TMEM91: variants seen among roughly 807,000 people sequenced by gnomAD.
TMEM91 encodes dispanin subfamily C member 3.
TMEM91 carries 6 observed loss-of-function variants against 13.3 expected under a neutral mutation model. That is an observed-to-expected ratio of 0.45 (90% CI 0.25 to 0.89). The LOEUF (loss-of-function observed/expected upper bound fraction) is 0.89. Among genes scored for constraint, TMEM91 ranks in the 40% least tolerant of loss-of-function variants. The pLI is 0.19. For synonymous variants in TMEM91, 87 were observed against 101.7 expected (o/e 0.86, Z 0.87); for missense variants, 193 against 228.7 (o/e 0.84, Z 1.01).
chr19:41,378,017 C>T (rs1369677467), intron 1 of TMEM91, among the ~76,000 whole-genome samples: 1 of 114,612 alleles, frequency 8.7e-6, no homozygotes, highest in Non-Finnish European at 1.7e-5. Context: ...GCCTGGGCAA[C>T]AGATGGAGAC....
chr19:41,368,226 C>T lies in TMEM91; in HGVS notation c.-30+4131C>T, dbSNP rs551179800. On this transcript the variant is annotated intron_variant, in intron 1 of 3. Coordinates refer to the TMEM91 transcript ENST00000413014. ...AGGAGTTCTGGACCAGACTAGGCAA[C>T]GTAGTGAGACCCTCATTTCTACGAA... is the stretch of plus-strand genomic sequence containing the variant. Among the ~76,000 whole-genome samples the T allele has an allele frequency of 1.4e-3, 205 of 151,784 alleles. 3 individuals carry two copies. Among genetic ancestry groups the T allele is most frequent in the African/African-American group, 4.7e-3 (195 of 41,366 alleles).
intron 1 of TMEM91, among the ~76,000 whole-genome samples, chr19:41,366,873 C>A (rs1199592385): frequency 6.6e-6 from 1 of 152,140 alleles, no homozygotes; most frequent in Non-Finnish European, 1.5e-5. Flanking sequence ...TTCGGTGGTT[C>A]ATGCCCGTAA....
In TMEM91 at chr19:41,383,521, A is replaced by T. The variant is rs556736149; in HGVS notation, c.361-194A>T. 1,783 of 1,455,512 alleles carry T rather than the reference A, an allele frequency of 1.2e-3. 15 individuals carry two copies. The African/African-American group carries it at 0.02, about 16-fold the overall frequency. 90.2% of individuals were successfully genotyped at this position (1,455,512 alleles called of 1,614,324 possible). ...TTATTTTTTAAAATTTATTATTATT[A>T]TTATTTTTTACCATTTTAATGTTTT... On this transcript the variant is annotated intron_variant, in intron 3 of 3. Coordinates refer to ENST00000392002, the MANE Select transcript of TMEM91 (RefSeq NM_001098821.2).
At chr19:41,382,684 G>T in intron 2 of TMEM91, 88 bp from the exon 3 acceptor site, 1 of 1,508,566 alleles carries the variant, frequency 6.6e-7, no homozygotes, top group Non-Finnish European at 8.9e-7. Flanking sequence ...CTAGGGGCAG[G>T]TATTGGCCTT....
At chr19:41,372,928 CTTTTGTTTTTGT>C (rs113935602), upstream of TMEM91, among the ~76,000 whole-genome samples, 16 of 149,838 alleles carry the variant, frequency 1.1e-4, no homozygotes, top group South Asian at 3.2e-3. Context: ...ATCTCGTGAT[CTTTTGTTTTTGT>C]TTTTGTTTTT....
chr19:41,383,834 G>T lies in TMEM91; in HGVS notation c.480G>T (p.Val160=). The change falls in exon 4 of 4, where the codon GTG becomes GTT. Residue 160 remains valine (V), a synonymous_variant. Coordinates refer to ENST00000392002, the MANE Select transcript of TMEM91 (RefSeq NM_001098821.2). Reference sequence around the variant, plus strand: ...TGTGCACGTATGCGGCTGCCCTGGTGACCCTGGCTGCCTACCTTGCCTCCC... The same window carrying T: ...TGTGCACGTATGCGGCTGCCCTGGTTACCCTGGCTGCCTACCTTGCCTCCC... The part of the protein sequence containing the change: ...LGVCTYAAAL[V]TLAAYLASRD... 1 of 1,609,588 alleles carries T rather than the reference G, an allele frequency of 6.2e-7. No individual in the cohort carries two copies. The highest frequency in any genetic ancestry group is 2.3e-5 in the East Asian group (1 of 44,328).
Position 41,383,767 on chromosome 19 carries a change from G to A in TMEM91, c.413G>A (p.Arg138His), listed in dbSNP as rs200464270. The A allele has an allele frequency of 8.7e-6, 14 of 1,609,516 alleles. No homozygotes were observed. The highest frequency in any genetic ancestry group is 3.3e-5 in the South Asian group (3 of 90,672). Residue 138 changes from arginine to histidine, a missense_variant, in exon 4 of 4, where the codon CGC becomes CAC. Arg to His is a conservative substitution (Grantham distance 29, BLOSUM62 0). Transcript: ENST00000392002. Reference protein sequence around the residue: ...GDIQGAGAASRRAFLLGVLAV... With the variant: ...GDIQGAGAASHRAFLLGVLAV... ...ATCCAGGGGGCAGGGGCCGCCTCCC[G>A]CCGTGCCTTCCTGCTGGGGGTCCTC...
At chr19:41,373,053 C>T (rs1327936960), upstream of TMEM91, among the ~76,000 whole-genome samples, 1 of 152,166 alleles carries the variant, frequency 6.6e-6, no homozygotes, top group Non-Finnish European at 1.5e-5. Context: ...ATCCTCCTAT[C>T]TCAGTTTCCC....
At chr19:41,368,504 G>T (rs1472730082) in intron 1 of TMEM91, among the ~76,000 whole-genome samples, 1 of 151,730 alleles carries the variant, frequency 6.6e-6, no homozygotes, top group Non-Finnish European at 1.5e-5. Flanking sequence ...CTGCCTCCCA[G>T]GCTCAAGCAA....
At chr19:41,381,116 ACT>A (rs2038874983) in intron 2 of TMEM91, among the ~76,000 whole-genome samples, 1 of 149,812 alleles carries the variant, frequency 6.7e-6, no homozygotes, top group Non-Finnish European at 1.5e-5. Flanking sequence ...AAAAATCTAA[ACT>A]CTAGAGTTTT....
chr19:41,378,183 A>G, intron 1 of TMEM91, 98 bp from the exon 2 acceptor site: 2 of 882,608 alleles, frequency 2.3e-6, no homozygotes, highest in Non-Finnish European at 3.5e-6. Context: ...GGACCACTGC[A>G]CTAACTAGTC....
In TMEM91 at chr19:41,383,884, A is replaced by C. The variant is rs1243752301; in HGVS notation, c.*11A>C. The C allele has an allele frequency of 2.5e-6, 4 of 1,603,144 alleles. No individual in the cohort carries two copies. The highest frequency in any genetic ancestry group is 1.4e-5 in the African/African-American group (1 of 73,928). On this transcript the variant is annotated 3_prime_UTR_variant, in exon 4 of 4. Transcript: ENST00000392002. ...CGAGACCCGCCCTAGTTGCCCCTAC[A>C]GCCCTCACTGTGAACCCTGAGGCCG...
intron 2 of TMEM91, among the ~76,000 whole-genome samples, chr19:41,380,573 A>C (rs753634177): frequency 5.3e-5 from 8 of 151,752 alleles, no homozygotes; most frequent in Non-Finnish European, 1.0e-4. Context: ...TCAGGAGTTC[A>C]AGACCAGCCT....
chr19:41,370,000 ACTC>A (rs2038587976), intron 1 of TMEM91, among the ~76,000 whole-genome samples: 3 of 151,642 alleles, frequency 2.0e-5, no homozygotes, highest in African/African-American at 7.3e-5. Flanking sequence ...AAACAAAACA[ACTC>A]CCCTATTCCC....
At chr19:41,382,692 C>T in intron 2 of TMEM91, 80 bp from the exon 3 acceptor site, 4 of 1,534,714 alleles carry the variant, frequency 2.6e-6, no homozygotes, top group Non-Finnish European at 3.5e-6. Flanking sequence ...AGGTATTGGC[C>T]TTTGAGGGCT....
chr19:41,378,205 C>G (rs1005790842), intron 1 of TMEM91, 76 bp from the exon 2 acceptor site: 10 of 1,129,336 alleles, frequency 8.9e-6, no homozygotes, highest in Non-Finnish European at 1.3e-5. Flanking sequence ...CTGCCTGAGT[C>G]TCTCTAAAGC....
chr19:41,370,744 C>T (rs1038074361), intron 1 of TMEM91, among the ~76,000 whole-genome samples: 3 of 151,170 alleles, frequency 2.0e-5, no homozygotes, highest in African/African-American at 7.3e-5. Context: ...ATTGTGTTGC[C>T]TAGGCTGTGG....
upstream of TMEM91, among the ~76,000 whole-genome samples, chr19:41,375,297 T>TTTTC (rs869066634): frequency 6.3e-3 from 719 of 113,320 alleles, 54 homozygotes; most frequent in African/African-American, 7.6e-3. Context: ...TTTTTTTTTT[T>TTTTC]TGAGACGGAG....
In TMEM91 at chr19:41,382,741, G is replaced by T. The variant is rs377199730; in HGVS notation, c.211-31G>T. 155 of 1,603,196 alleles carry T rather than the reference G, an allele frequency of 9.7e-5. No homozygotes were observed. The African/African-American group carries it at 2.0e-3, about 21-fold the overall frequency. ...CAATGGGGCAGGAAAGGTGGATGGA[G>T]ATGCCCACCTGGGCACTTTCCTGTC... On this transcript the variant is annotated intron_variant, in intron 2 of 3. Coordinates refer to ENST00000392002, the MANE Select transcript of TMEM91 (RefSeq NM_001098821.2).
Sources: allele counts gnomAD v4.1 joint callset (sites outside exome capture counted in the v4.1 genomes callset), GRCh38; gene constraint gnomAD v4.1.1; transcripts MANE v1.5; gene names NCBI Gene and HGNC (gene_info 2026-07-23, HGNC 2026-07-21).